ATP6V1B1: variants seen among roughly 807,000 people sequenced by gnomAD.
ATP6V1B1 encodes V-type proton ATPase subunit B, kidney isoform.
Under a neutral mutation model 62.1 loss-of-function variants are expected in ATP6V1B1, and 41 were observed. The ratio of observed to expected loss-of-function variants is 0.66; its 90% CI spans 0.51 to 0.86. The LOEUF (loss-of-function observed/expected upper bound fraction) is 0.86. Ranked by LOEUF, ATP6V1B1 falls within the 40% of genes least tolerant of loss-of-function variation. The probability of loss-of-function intolerance (pLI) is 0.00; values close to 1 mark genes in which losing one functional copy is unlikely to be tolerated. For synonymous variants in ATP6V1B1, 253 were observed against 273.4 expected (o/e 0.93, Z 0.74); for missense variants, 651 against 697.5 (o/e 0.93, Z 0.75).
At chr2:70,964,038 G>A (rs1356383761) in intron 11 of ATP6V1B1, 8 of 418,156 alleles carry the variant, frequency 1.9e-5, no homozygotes, top group Middle Eastern at 7.4e-4. Flanking sequence ...AGAAAACAAC[G>A]GCTAACTAAC....
chr2:70,943,533 C>T, intron 1 of ATP6V1B1, 125 bp from the exon 2 acceptor site: 9 of 1,020,486 alleles, frequency 8.8e-6, no homozygotes, highest in Non-Finnish European at 1.3e-5. Flanking sequence ...CAGCTAATGA[C>T]CCTGACGGCC....
chr2:70,964,691 C>T (rs782002148), intron 12 of ATP6V1B1, 45 bp from the exon 13 acceptor site: 36 of 1,612,796 alleles, frequency 2.2e-5, no homozygotes, highest in Non-Finnish European at 2.8e-5. Flanking sequence ...ACTGGACTCC[C>T]GTGGTAAGCC....
At chr2:70,964,648 G>A (rs1165377714) in intron 12 of ATP6V1B1, 88 bp from the exon 13 acceptor site, 2 of 1,612,180 alleles carry the variant, frequency 1.2e-6, no homozygotes, top group Non-Finnish European at 1.7e-6. Context: ...ATTCCTTTCC[G>A]AACGGGGTCC....
intron 1 of ATP6V1B1, among the ~76,000 whole-genome samples, chr2:70,937,274 G>A (rs1553415599): frequency 6.6e-6 from 1 of 152,140 alleles, no homozygotes; most frequent in African/African-American, 2.4e-5. Flanking sequence ...GCCAGGAGAG[G>A]AGGTGGAGTG....
At chr2:70,951,724 C>G (rs13028176) in intron 2 of ATP6V1B1, among the ~76,000 whole-genome samples, 47,778 of 151,752 alleles carry the variant, frequency 0.31, 8,728 homozygotes, top group Non-Finnish European at 0.41. Flanking sequence ...ATGGAGAAAC[C>G]CCATCTCTAC....
intron 2 of ATP6V1B1, among the ~76,000 whole-genome samples, chr2:70,956,469 C>T (rs1185821590): frequency 6.6e-6 from 1 of 152,178 alleles, no homozygotes; most frequent in Non-Finnish European, 1.5e-5. Flanking sequence ...AGTTGATGGA[C>T]ATTGAGTTAT....
chr2:70,951,623 C>G (rs782142583), intron 2 of ATP6V1B1, among the ~76,000 whole-genome samples: 7 of 152,242 alleles, frequency 4.6e-5, no homozygotes, highest in Non-Finnish European at 4.4e-5. Context: ...AAATAGAACA[C>G]TCGGCCAGGC....
At chr2:70,939,043 A>G (rs1483897314) in intron 1 of ATP6V1B1, among the ~76,000 whole-genome samples, 1 of 152,244 alleles carries the variant, frequency 6.6e-6, no homozygotes, top group Admixed American at 6.5e-5. Flanking sequence ...TAATCCCTCC[A>G]GCGGGATCAG....
intron 2 of ATP6V1B1, among the ~76,000 whole-genome samples, chr2:70,946,631 G>A (rs1680181054): frequency 6.6e-6 from 1 of 152,200 alleles, no homozygotes; most frequent in Non-Finnish European, 1.5e-5. Context: ...GTTCACATCA[G>A]ACAAATGTAG....
intron 2 of ATP6V1B1, chr2:70,944,099 C>T: frequency 7.8e-7 from 1 of 1,283,824 alleles, no homozygotes; most frequent in East Asian, 4.6e-5. Flanking sequence ...CTCTCCCCAC[C>T]CTCGACTCTC....
chr2:70,941,289 G>A (rs1236963153), intron 1 of ATP6V1B1: 1 of 985,416 alleles, frequency 1.0e-6, no homozygotes, highest in Non-Finnish European at 1.2e-6. Flanking sequence ...GAGCACCACA[G>A]ATGATGTCTT....
intron 2 of ATP6V1B1, chr2:70,956,153 C>T: frequency 4.4e-6 from 1 of 229,470 alleles, no homozygotes; most frequent in Admixed American, 4.2e-5. Context: ...ACAATACATT[C>T]ATGACCATTG....
At chr2:70,964,136 T>TTTTTTTTTG in intron 11 of ATP6V1B1, 1 of 292,854 alleles carries the variant, frequency 3.4e-6, no homozygotes. Context: ...TTTTTTTTTT[T>TTTTTTTTTG]GCAGCTATTA....
At chr2:70,938,857 T>G in intron 1 of ATP6V1B1, 1 of 937,866 alleles carries the variant, frequency 1.1e-6, no homozygotes, top group Non-Finnish European at 1.3e-6. Flanking sequence ...GTTGGAGGGA[T>G]GAAGCCAGGT....
At chr2:70,940,536 C>T in intron 1 of ATP6V1B1, 1 of 985,466 alleles carries the variant, frequency 1.0e-6, no homozygotes, top group Non-Finnish European at 1.2e-6. Flanking sequence ...CTGATCCAAA[C>T]ACCATGTGGG....
intron 1 of ATP6V1B1, 179 bp from the exon 2 acceptor site, chr2:70,943,479 G>A (rs889942307): frequency 2.7e-6 from 2 of 739,984 alleles, no homozygotes; most frequent in East Asian, 2.7e-5. Context: ...GGGGCCCTGC[G>A]GGCAGGGGCA....
Position 70,963,085 on chromosome 2 carries a change from C to T in ATP6V1B1, c.910-77C>T. On this transcript the variant is annotated intron_variant, in intron 9 of 13. Coordinates refer to ENST00000234396, the MANE Select transcript of ATP6V1B1 (RefSeq NM_001692.4). The surrounding 1 kb of genome is among the most constrained non-coding windows in gnomAD (Gnocchi z 4.3). ...CCCCCCACTCCATTTCTCACAGGGTCACTGAACCTCCCACCCACCCTTCCT... is the reference window on the plus strand; with the variant it reads ...CCCCCCACTCCATTTCTCACAGGGTTACTGAACCTCCCACCCACCCTTCCT... 1 of 1,607,748 alleles carries T rather than the reference C, an allele frequency of 6.2e-7. No homozygotes were observed. The highest frequency in any genetic ancestry group is 8.5e-7 in the Non-Finnish European group (1 of 1,175,838).
chr2:70,956,639 G>C (rs1305003238), intron 2 of ATP6V1B1, among the ~76,000 whole-genome samples: 1 of 152,082 alleles, frequency 6.6e-6, no homozygotes, highest in African/African-American at 2.4e-5. Flanking sequence ...GTCTTTCTCT[G>C]TTGGCCAGGC....
intron 2 of ATP6V1B1, 126 bp from the exon 3 acceptor site, chr2:70,957,920 T>C: frequency 5.5e-6 from 5 of 910,076 alleles, no homozygotes; most frequent in Non-Finnish European, 8.8e-6. Flanking sequence ...CTTGAGTTCA[T>C]TTCCACAAGT....
Sources: allele counts gnomAD v4.1 joint callset (sites outside exome capture counted in the v4.1 genomes callset), GRCh38; gene constraint gnomAD v4.1.1; non-coding constraint Gnocchi (gnomAD v3.1); transcripts MANE v1.5; gene names NCBI Gene and HGNC (gene_info 2026-07-23, HGNC 2026-07-21).